The following MAD1L1 variants were observed in gnomAD, a reference collection of about 807,000 sequenced individuals.
MAD1L1 encodes the protein mitotic spindle assembly checkpoint protein MAD1.
Under a neutral mutation model 96.9 loss-of-function variants are expected in MAD1L1, and 95 were observed. That is an observed-to-expected ratio of 0.98 (90% CI 0.83 to 1.16). MAD1L1 has a LOEUF of 1.16. MAD1L1 is among the 50% of genes most tolerant of loss of function. The pLI is 0.00. For synonymous variants in MAD1L1, 473 were observed against 396.6 expected (o/e 1.19, Z -2.29); for missense variants, 1,007 against 954.4 (o/e 1.06, Z -0.73).
Position 2,088,294 on chromosome 7 carries a change from A to C in MAD1L1, c.1074-18956T>G, listed in dbSNP as rs73032344. Among the ~76,000 whole-genome samples, 3,569 of 152,238 alleles carry C rather than the reference A, an allele frequency of 0.023. 74 individuals are homozygous for C. Among genetic ancestry groups the C allele is most frequent in the South Asian group, 0.09 (432 of 4,818 alleles). ...CCGCTGGAACACAATCCAGGCCCCC[A>C]TCACAGGCTGCGCCATCTGGTTACC... On this transcript the variant is annotated intron_variant, in intron 11 of 18. Transcript: ENST00000265854. The surrounding 1 kb of genome is among the most constrained non-coding windows in gnomAD (Gnocchi z 4.4).
At chr7:2,013,850 G>C (rs1274049168) in intron 13 of MAD1L1, among the ~76,000 whole-genome samples, 1 of 152,248 alleles carries the variant, frequency 6.6e-6, no homozygotes, top group Non-Finnish European at 1.5e-5. Flanking sequence ...GCGATACCCA[G>C]CTCCTTCTTC....
At chr7:1,909,648 A>C (rs901764621) in intron 17 of MAD1L1, among the ~76,000 whole-genome samples, 2 of 152,142 alleles carry the variant, frequency 1.3e-5, no homozygotes, top group Non-Finnish European at 2.9e-5. Context: ...GCCGGCCCCA[A>C]ATCCAAATTC....
intron 3 of MAD1L1, among the ~76,000 whole-genome samples, chr7:2,229,328 G>A: frequency 6.6e-6 from 1 of 152,140 alleles, no homozygotes; most frequent in Non-Finnish European, 1.5e-5. Flanking sequence ...TACAACTTGG[G>A]GGCCCCATTA....
chr7:1,914,477 T>C (rs1030764568), intron 17 of MAD1L1, among the ~76,000 whole-genome samples: 9 of 152,204 alleles, frequency 5.9e-5, no homozygotes, highest in Non-Finnish European at 1.0e-4. Flanking sequence ...CCAAGGCACG[T>C]GGGTGCTTCT....
At chr7:2,199,886 G>A (rs1792191662) in intron 10 of MAD1L1, among the ~76,000 whole-genome samples, 1 of 152,256 alleles carries the variant, frequency 6.6e-6, no homozygotes, top group South Asian at 2.1e-4. Flanking sequence ...CAGGTCAGCT[G>A]GACCAGTCCC....
intron 18 of MAD1L1, among the ~76,000 whole-genome samples, chr7:1,834,704 T>C (rs1782861316): frequency 6.6e-6 from 1 of 152,194 alleles, no homozygotes; most frequent in African/African-American, 2.4e-5. Context: ...AAAGAAATAA[T>C]ATCAATTCTA....
intron 12 of MAD1L1, among the ~76,000 whole-genome samples, chr7:2,015,327 A>G (rs1782487668): frequency 1.3e-5 from 2 of 152,152 alleles, no homozygotes; most frequent in African/African-American, 4.8e-5. Flanking sequence ...CGGAGGCCAC[A>G]CGCAGATCCC....
At chr7:1,904,166 C>T (rs4721180) in intron 17 of MAD1L1, among the ~76,000 whole-genome samples, 3,497 of 145,350 alleles carry the variant, frequency 0.024, 113 homozygotes, top group African/African-American at 0.06. Context: ...GGAAGACGCT[C>T]TTGCAGAATT....
chr7:2,128,839 AG>A (rs1252190780), intron 11 of MAD1L1, among the ~76,000 whole-genome samples: 1 of 152,168 alleles, frequency 6.6e-6, no homozygotes, highest in Non-Finnish European at 1.5e-5. Flanking sequence ...CAGGAGCACA[AG>A]GCCCCATCTT....
chr7:2,210,210 C>G (rs1290882283), intron 10 of MAD1L1, among the ~76,000 whole-genome samples: 4 of 152,166 alleles, frequency 2.6e-5, no homozygotes, highest in Non-Finnish European at 5.9e-5. Flanking sequence ...GTAGCTGGGA[C>G]TACAGGTGCA....
chr7:2,073,752 A>C (rs1785246250), intron 11 of MAD1L1, among the ~76,000 whole-genome samples: 1 of 152,200 alleles, frequency 6.6e-6, no homozygotes, highest in South Asian at 2.1e-4. Flanking sequence ...AGGCTGGAAA[A>C]GCTCATCCGC....
At chr7:1,900,600 G>A (rs531999413) in intron 17 of MAD1L1, among the ~76,000 whole-genome samples, 2 of 152,176 alleles carry the variant, frequency 1.3e-5, no homozygotes, top group African/African-American at 4.8e-5. Flanking sequence ...GCGTCCCTCG[G>A]CTGATCCTCC....
chr7:2,031,886 C>A (rs974532429), intron 12 of MAD1L1, among the ~76,000 whole-genome samples: 1 of 152,264 alleles, frequency 6.6e-6, no homozygotes. Context: ...GGAGTCACGG[C>A]TCTGGGGCCA....
intron 4 of MAD1L1, 60 bp from the exon 5 acceptor site, chr7:2,222,814 C>T (rs1019797013): frequency 2.9e-6 from 4 of 1,370,640 alleles, no homozygotes; most frequent in Non-Finnish European, 3.0e-6. Context: ...AGCGGGGAGC[C>T]CTCACCCCCA....
At chr7:2,007,200 G>A (rs988912218) in intron 13 of MAD1L1, among the ~76,000 whole-genome samples, 1 of 152,234 alleles carries the variant, frequency 6.6e-6, no homozygotes, top group African/African-American at 2.4e-5. Flanking sequence ...GGGCACGTCA[G>A]TCACTGGAGA....
At chr7:2,181,175 T>C (rs532148610) in intron 10 of MAD1L1, among the ~76,000 whole-genome samples, 18 of 152,270 alleles carry the variant, frequency 1.2e-4, no homozygotes, top group Non-Finnish European at 1.9e-4. Context: ...CTTCTACTGA[T>C]TGATTGCTTT....
chr7:2,132,352 G>A (rs992333699), intron 11 of MAD1L1, among the ~76,000 whole-genome samples: 6 of 152,026 alleles, frequency 3.9e-5, no homozygotes, highest in East Asian at 1.9e-4. Flanking sequence ...GGGTTTAGAC[G>A]AACGCATGTC....
At position 2,049,070 on chromosome 7, in the gene MAD1L1, C is replaced by T. The variant is rs184124510; in HGVS notation, c.1218+20124G>A. On this transcript the variant is annotated intron_variant, in intron 12 of 18. Coordinates refer to ENST00000265854, the MANE Select transcript of MAD1L1 (RefSeq NM_001013836.2). ...GAACTACCTCACACATATATTTGAA[C>T]ATTACAATTTAAAAATATTTTCAAA... 4.6e-5 allele frequency among the ~76,000 whole-genome samples: 7 copies of T among 152,316 alleles called. No homozygotes were observed. The East Asian group carries it at 1.3e-3, about 29-fold the overall frequency.
At chr7:2,164,332 C>T (rs1790313886) in intron 10 of MAD1L1, among the ~76,000 whole-genome samples, 1 of 152,172 alleles carries the variant, frequency 6.6e-6, no homozygotes, top group Admixed American at 6.5e-5. Context: ...CTGGAGGCAG[C>T]CAGGTGAAGG....
Sources: gnomAD v4.1 joint callset for allele counts (sites outside exome capture counted in the v4.1 genomes callset) on GRCh38, gnomAD v4.1.1 for gene constraint, Gnocchi (gnomAD v3.1) non-coding constraint, MANE v1.5 for transcripts, NCBI Gene and HGNC (gene_info 2026-07-23, HGNC 2026-07-21) for gene names.